PIK3C2G: variants seen among roughly 807,000 people sequenced by gnomAD.
PIK3C2G encodes the protein phosphatidylinositol-4-phosphate 3-kinase catalytic subunit type 2 gamma, also known as phosphatidylinositol 3-kinase C2 domain-containing subunit gamma.
PIK3C2G carries 168 observed loss-of-function variants against 181.1 expected under a neutral mutation model. The ratio of observed to expected loss-of-function variants is 0.93; its 90% CI spans 0.82 to 1.05. The LOEUF is 1.05. Among genes scored for constraint, PIK3C2G ranks in the 50% least tolerant of loss-of-function variants. The pLI is 0.00. For missense variants in PIK3C2G, 1,869 were observed against 1,732.8 expected, an observed-to-expected ratio of 1.08 and a Z score of -1.40; for synonymous variants, 573 against 592.2, an observed-to-expected ratio of 0.97 and a Z score of 0.47.
exon 1 of PIK3C2G, chr12:18,247,753 T>C (rs1329559948): frequency 6.6e-6 from 1 of 152,230 alleles, no homozygotes; most frequent in African/African-American, 2.4e-5. Flanking sequence ...AGCCGCCATC[T>C]TGAACATGTC....
intron 4 of PIK3C2G, among the ~76,000 whole-genome samples, chr12:18,292,225 AAAATATATATATATATAT>A (rs1467065872): frequency 1.4e-4 from 8 of 55,364 alleles, no homozygotes; most frequent in Non-Finnish European, 2.9e-4. Flanking sequence ...AAAAAAAAAA[AAAATATATATATATATAT>A]ATATATATAT....
chr12:18,391,086 C>G, intron 14 of PIK3C2G, 36 bp from the exon 15 acceptor site: 1 of 1,553,102 alleles, frequency 6.4e-7, no homozygotes, highest in Non-Finnish European at 8.7e-7. Flanking sequence ...TTTTGAGACA[C>G]CTTCAACACA....
chr12:18,376,554 G>A (rs969354310), intron 13 of PIK3C2G, among the ~76,000 whole-genome samples: 7 of 152,178 alleles, frequency 4.6e-5, no homozygotes, highest in Non-Finnish European at 7.3e-5. Context: ...GACTTTGGGT[G>A]ACTATTGAGA....
intron 29 of PIK3C2G, among the ~76,000 whole-genome samples, chr12:18,579,603 A>T (rs2136415612): frequency 6.6e-6 from 1 of 152,204 alleles, no homozygotes; most frequent in Non-Finnish European, 1.5e-5. Context: ...AAGAAAATGG[A>T]CTATCCTAAT....
rs747980002 is a variant in PIK3C2G, at chr12:18,338,490, CCAAA to C, written c.1342_1345del (p.Gln448LeufsTer5). 8.6e-5 allele frequency: 136 copies of C among 1,588,670 alleles called. 1 individual carries two copies. In the Middle Eastern group the frequency reaches 1.2e-3, roughly 14 times the overall value. ...TGCAGTGTTCTAGGGTGTGTGGAAA[CCAAA>C]CAAATTACAGATGCAGTAAATGAAC... is the stretch of plus-strand genomic sequence containing the variant. On this transcript the variant is annotated frameshift_variant, in exon 9 of 33. Transcript: ENST00000538779. LOFTEE classifies it high-confidence loss of function.
chr12:18,422,709 C>T (rs145924970), intron 17 of PIK3C2G, among the ~76,000 whole-genome samples: 1 of 151,964 alleles, frequency 6.6e-6, no homozygotes, highest in Non-Finnish European at 1.5e-5. Context: ...CGAGGGGTAA[C>T]ACATAGATAC....
intron 7 of PIK3C2G, among the ~76,000 whole-genome samples, chr12:18,323,494 TC>T (rs551866980): frequency 2.9e-4 from 44 of 152,328 alleles, no homozygotes; most frequent in South Asian, 1.2e-3. Flanking sequence ...TTCTGACCCT[TC>T]ACCCCTTATT....
At chr12:18,487,309 C>T (rs1245643064) in intron 18 of PIK3C2G, among the ~76,000 whole-genome samples, 2 of 151,974 alleles carry the variant, frequency 1.3e-5, no homozygotes, top group Non-Finnish European at 2.9e-5. Context: ...TAATGTGTAG[C>T]AACAGAAAAC....
chr12:18,683,456 CT>C, the PIK3C2G span: 1 of 1,431,270 alleles, frequency 7.0e-7, no homozygotes, highest in Non-Finnish European at 9.6e-7. Flanking sequence ...ATATTCCCAT[CT>C]GGTATATTAA....
chr12:18,548,530 A>G (rs1481536196), intron 26 of PIK3C2G, among the ~76,000 whole-genome samples: 1 of 151,992 alleles, frequency 6.6e-6, no homozygotes, highest in Non-Finnish European at 1.5e-5. Flanking sequence ...AATCTTGGAT[A>G]TCAGTGATCT....
At position 18,594,566 on chromosome 12, in the gene PIK3C2G, C is replaced by T. The variant is rs779525897; in HGVS notation, c.4084C>T (p.Leu1362=). The T allele has an allele frequency of 2.0e-6, 3 of 1,495,772 alleles. No individual in the cohort carries two copies. Among genetic ancestry groups the T allele is most frequent in the South Asian group, 1.3e-5 (1 of 74,178 alleles). 92.7% of individuals were successfully genotyped at this position (1,495,772 alleles called of 1,614,324 possible). The change falls in exon 30 of 33, where the codon CTA becomes TTA. Residue 1362 remains leucine, a synonymous_variant. Transcript: ENST00000538779. ...AGTTGAAGAATCATCACCTGTGTAC[C>T]TAGGTAAGTAAATTTGTCATTATAT... ...QTVEESSPVY[L]GEKFPDKKPK... is the part of the protein sequence containing the mutation.
intron 24 of PIK3C2G, among the ~76,000 whole-genome samples, chr12:18,535,087 A>C: frequency 6.6e-6 from 1 of 152,226 alleles, no homozygotes; most frequent in Middle Eastern, 3.4e-3. Context: ...GTAATGCTTA[A>C]ATTTCAGAGA....
chr12:18,465,529 C>T (rs999665924), intron 18 of PIK3C2G, among the ~76,000 whole-genome samples: 3 of 151,746 alleles, frequency 2.0e-5, no homozygotes, highest in African/African-American at 4.8e-5. Flanking sequence ...TCTAAAACAA[C>T]TTTAGTTCAT....
chr12:18,653,917 A>G, the PIK3C2G span, among the ~76,000 whole-genome samples: 5 of 152,172 alleles, frequency 3.3e-5, no homozygotes, highest in Non-Finnish European at 7.4e-5. Flanking sequence ...AAAGCAATTT[A>G]AAGGACTATA....
the PIK3C2G span, among the ~76,000 whole-genome samples, chr12:18,653,468 T>C: frequency 2.6e-5 from 4 of 152,206 alleles, no homozygotes; most frequent in Admixed American, 1.3e-4. Flanking sequence ...ATTTGAACAG[T>C]GACTGAATTC....
chr12:18,568,384 T>TTGTGTGTGTGTG (rs56936466), intron 29 of PIK3C2G, among the ~76,000 whole-genome samples: 38 of 145,828 alleles, frequency 2.6e-4, no homozygotes, highest in Admixed American at 1.2e-3. Context: ...ACCAACAAAA[T>TTGTGTGTGTGTG]TGTGTGTGTG....
intron 16 of PIK3C2G, 112 bp from the exon 17 acceptor site, chr12:18,420,829 A>C (rs1945439996): frequency 4.9e-6 from 3 of 612,620 alleles, no homozygotes; most frequent in South Asian, 4.2e-5. Context: ...TTGTGGGATA[A>C]TTGTTTTACC....
chr12:18,427,450 G>A (rs1239571403), intron 18 of PIK3C2G, among the ~76,000 whole-genome samples: 1 of 145,360 alleles, frequency 6.9e-6, no homozygotes, highest in African/African-American at 2.5e-5. Context: ...GCAGTGAGCC[G>A]AGATCGCGCC....
At chr12:18,699,118 G>T in the PIK3C2G span, among the ~76,000 whole-genome samples, 5 of 152,268 alleles carry the variant, frequency 3.3e-5, no homozygotes, top group Admixed American at 3.3e-4. Context: ...TAGAGGCAGT[G>T]AAAGGAAGAT....
Sources: allele counts gnomAD v4.1 joint callset (sites outside exome capture counted in the v4.1 genomes callset), GRCh38; gene constraint gnomAD v4.1.1; transcripts MANE v1.5; gene names NCBI Gene and HGNC (gene_info 2026-07-23, HGNC 2026-07-21).